Variants in SLC16A7 observed in about 807,000 individuals in gnomAD.
The protein encoded by SLC16A7 is solute carrier family 16 member 7.
Under a neutral mutation model 34.9 loss-of-function variants are expected in SLC16A7, and 33 were observed. The observed-to-expected ratio is 0.94, with a 90% CI of 0.72 to 1.26. SLC16A7 has a LOEUF of 1.26. Among genes scored for constraint, SLC16A7 ranks in the 50% most tolerant of loss-of-function variants. The pLI is 0.00. For synonymous variants in SLC16A7, 201 were observed against 206.6 expected, an observed-to-expected ratio of 0.97 and a Z score of 0.23; for missense variants, 573 against 578.1, an observed-to-expected ratio of 0.99 and a Z score of 0.09.
At position 59,664,117 on chromosome 12, in the gene SLC16A7, A is replaced by T. The variant is rs559810451; in HGVS notation, c.-31+8867A>T. On this transcript the variant is annotated intron_variant, in intron 2 of 5. Transcript: ENST00000547379. ...TACAGCTATATGGCCTTACATAAGTAATCAAAACGCTGAGCTTCAGTGTCC... is the reference window on the plus strand; with the variant it reads ...TACAGCTATATGGCCTTACATAAGTTATCAAAACGCTGAGCTTCAGTGTCC... Among the ~76,000 whole-genome samples the T allele has an allele frequency of 6.2e-4, 95 of 152,226 alleles. 1 individual carries two copies. The East Asian group carries it at 0.017, about 28-fold the overall frequency.
chr12:59,737,583 G>A (rs1877746034), intron 3 of SLC16A7, among the ~76,000 whole-genome samples: 1 of 152,160 alleles, frequency 6.6e-6, no homozygotes, highest in African/African-American at 2.4e-5. Context: ...GACTTCCTGA[G>A]TAACTGGGTA....
intron 1 of SLC16A7, among the ~76,000 whole-genome samples, chr12:59,634,044 C>G (rs1007801183): frequency 2.0e-4 from 31 of 152,004 alleles, no homozygotes; most frequent in Non-Finnish European, 4.0e-4. Flanking sequence ...TAACATTATC[C>G]CTATTTTATG....
chr12:59,605,391 C>T (rs1878889268), intron 1 of SLC16A7, among the ~76,000 whole-genome samples: 4 of 152,050 alleles, frequency 2.6e-5, no homozygotes, highest in Admixed American at 1.3e-4. Flanking sequence ...GGATAGAATA[C>T]GTGGGAGGTG....
chr12:59,599,155 A>G (rs1190012691), intron 1 of SLC16A7, among the ~76,000 whole-genome samples: 1 of 152,184 alleles, frequency 6.6e-6, no homozygotes, highest in African/African-American at 2.4e-5. Flanking sequence ...AGTGTCTGGC[A>G]TGTCATGGTT....
At chr12:59,770,841 G>A (rs1882151956) in intron 3 of SLC16A7, among the ~76,000 whole-genome samples, 1 of 152,072 alleles carries the variant, frequency 6.6e-6, no homozygotes, top group South Asian at 2.1e-4. Context: ...AATTTTAACA[G>A]ACAAGTCATT....
chr12:59,776,472 T>C (rs552183490), intron 5 of SLC16A7, among the ~76,000 whole-genome samples: 1 of 152,324 alleles, frequency 6.6e-6, no homozygotes, highest in South Asian at 2.1e-4. Flanking sequence ...AACCAATGTA[T>C]ATTGTTTTGG....
intron 1 of SLC16A7, among the ~76,000 whole-genome samples, chr12:59,620,952 A>G (rs1432326487): frequency 1.3e-5 from 2 of 151,892 alleles, no homozygotes; most frequent in African/African-American, 4.8e-5. Context: ...TGGCCCATCA[A>G]TTGTATTTTC....
intron 1 of SLC16A7, among the ~76,000 whole-genome samples, chr12:59,607,676 A>G (rs1435635435): frequency 1.3e-5 from 2 of 151,932 alleles, no homozygotes; most frequent in Non-Finnish European, 2.9e-5. Context: ...TAACTCTAAT[A>G]TTTTTTTCTA....
At chr12:59,685,490 T>C (rs1399690111) in intron 2 of SLC16A7, among the ~76,000 whole-genome samples, 2 of 152,100 alleles carry the variant, frequency 1.3e-5, no homozygotes, top group Non-Finnish European at 2.9e-5. Context: ...AAAAAGGAAA[T>C]ACATTTTGGA....
chr12:59,735,117 A>G (rs1309525827), intron 3 of SLC16A7, among the ~76,000 whole-genome samples: 1 of 152,232 alleles, frequency 6.6e-6, no homozygotes, highest in Non-Finnish European at 1.5e-5. Context: ...CTGAACGGCT[A>G]AGGTATAAAT....
chr12:59,644,881 A>G (rs917081148), intron 1 of SLC16A7, among the ~76,000 whole-genome samples: 3 of 152,224 alleles, frequency 2.0e-5, no homozygotes, highest in African/African-American at 7.2e-5. Flanking sequence ...TGTTAATGCC[A>G]TTAGAAAGTG....
At chr12:59,688,391 A>T (rs1432427912) in intron 2 of SLC16A7, among the ~76,000 whole-genome samples, 7 of 152,146 alleles carry the variant, frequency 4.6e-5, no homozygotes, top group Non-Finnish European at 1.0e-4. Flanking sequence ...CATTAAAAAC[A>T]TAGTTCTAGA....
At chr12:59,626,692 G>C (rs1285794554) in intron 1 of SLC16A7, among the ~76,000 whole-genome samples, 2 of 151,766 alleles carry the variant, frequency 1.3e-5, no homozygotes, top group Admixed American at 6.6e-5. Flanking sequence ...CCTGAGCTCA[G>C]AGTAACTCTA....
intron 3 of SLC16A7, among the ~76,000 whole-genome samples, chr12:59,740,798 A>G (rs1036102380): frequency 6.6e-6 from 1 of 152,126 alleles, no homozygotes; most frequent in African/African-American, 2.4e-5. Flanking sequence ...ACATGACTGT[A>G]TATCTAGAAA....
intron 1 of SLC16A7, among the ~76,000 whole-genome samples, chr12:59,642,785 G>A (rs963102440): frequency 4.6e-5 from 7 of 152,084 alleles, no homozygotes; most frequent in Non-Finnish European, 1.0e-4. Flanking sequence ...AATTAAGATT[G>A]TCTTTATAGA....
intron 3 of SLC16A7, among the ~76,000 whole-genome samples, chr12:59,744,733 C>G (rs1167029532): frequency 6.6e-6 from 1 of 152,200 alleles, no homozygotes; most frequent in Non-Finnish European, 1.5e-5. Flanking sequence ...GTAACACATG[C>G]CCTCTGAGGC....
Position 59,726,424 on chromosome 12 carries a change from G to GA in SLC16A7, c.217+21414dup, listed in dbSNP as rs930400063. On this transcript the variant is annotated intron_variant, in intron 3 of 5. Coordinates refer to ENST00000547379, the MANE Select transcript of SLC16A7 (RefSeq NM_001270623.2). ...AAGTAGATCTTCCACTTTAAAAATA[G>GA]AAAAAAAATGAAGGATAGGGTAAAA... 4.1e-4 allele frequency among the ~76,000 whole-genome samples: 62 copies of GA among 151,690 alleles called. 1 individual carries two copies. The highest frequency in any genetic ancestry group is 1.3e-3 in the African/African-American group (52 of 41,386).
At chr12:59,608,972 G>A (rs546868176) in intron 1 of SLC16A7, among the ~76,000 whole-genome samples, 16 of 152,244 alleles carry the variant, frequency 1.1e-4, no homozygotes, top group African/African-American at 3.6e-4. Flanking sequence ...TGCATATTTG[G>A]TCAGTTACTT....
chr12:59,650,348 A>C (rs150917327), intron 1 of SLC16A7, among the ~76,000 whole-genome samples: 85 of 152,276 alleles, frequency 5.6e-4, no homozygotes, highest in African/African-American at 1.9e-3. Flanking sequence ...CATAGTCCAG[A>C]CACCTATTTA....
Sources: gnomAD v4.1 joint callset for allele counts (sites outside exome capture counted in the v4.1 genomes callset) on GRCh38, gnomAD v4.1.1 for gene constraint, MANE v1.5 for transcripts, NCBI Gene and HGNC (gene_info 2026-07-23, HGNC 2026-07-21) for gene names.